Variants in FRYL observed in about 807,000 individuals in gnomAD.
The protein encoded by FRYL is protein furry homolog-like.
FRYL carries 150 observed loss-of-function variants against 351.2 expected under a neutral mutation model. The ratio of observed to expected loss-of-function variants is 0.43; its 90% CI spans 0.37 to 0.49. The LOEUF is 0.49. Among genes scored for constraint, FRYL ranks in the 20% least tolerant of loss-of-function variants. The pLI is 0.00. For missense variants in FRYL, 3,036 were observed against 3,619.3 expected, an observed-to-expected ratio of 0.84 and a Z score of 4.13; for synonymous variants, 1,153 against 1,257.1, an observed-to-expected ratio of 0.92 and a Z score of 1.75.
chr4:48,658,208 T>C (rs1378012145), intron 3 of FRYL, among the ~76,000 whole-genome samples: 1 of 152,180 alleles, frequency 6.6e-6, no homozygotes, highest in Non-Finnish European at 1.5e-5. Flanking sequence ...AATTCTTCAA[T>C]TACTCATTTG....
intron 1 of FRYL, among the ~76,000 whole-genome samples, chr4:48,745,955 A>G (rs540255688): frequency 2.6e-5 from 4 of 152,342 alleles, no homozygotes; most frequent in African/African-American, 9.6e-5. Flanking sequence ...TCAGTATCTT[A>G]GAGTAAATAA....
intron 1 of FRYL, among the ~76,000 whole-genome samples, chr4:48,754,157 C>T (rs1420839929): frequency 6.6e-6 from 1 of 152,124 alleles, no homozygotes; most frequent in Non-Finnish European, 1.5e-5. Flanking sequence ...AAAAGGAAAC[C>T]CCATACACAT....
intron 1 of FRYL, among the ~76,000 whole-genome samples, chr4:48,716,461 C>T (rs553266931): frequency 1.3e-4 from 20 of 151,522 alleles, no homozygotes; most frequent in South Asian, 4.2e-4. Context: ...AGAAAGTGGG[C>T]GAAGGACATG....
chr4:48,643,583 GTGC>G (rs1236631210), intron 3 of FRYL, among the ~76,000 whole-genome samples: 1 of 151,906 alleles, frequency 6.6e-6, no homozygotes, highest in African/African-American at 2.4e-5. Flanking sequence ...AGAAACTGAA[GTGC>G]TGATTTTTGC....
At chr4:48,686,140 T>C (rs1765132820) in intron 2 of FRYL, among the ~76,000 whole-genome samples, 1 of 152,216 alleles carries the variant, frequency 6.6e-6, no homozygotes, top group East Asian at 1.9e-4. Context: ...ATATTAGTTT[T>C]TCTCTTTAAT....
At position 48,582,664 on chromosome 4, in the gene FRYL, A is replaced by C. The variant is rs1741187574; in HGVS notation, c.1819T>G (p.Phe607Val). 2.5e-6 allele frequency: 4 copies of C among 1,614,014 alleles called. No homozygotes were observed. Among genetic ancestry groups the C allele is most frequent in the South Asian group, 1.1e-5 (1 of 91,084 alleles). The change falls in exon 20 of 64, where the codon TTT (phenylalanine) becomes GTT (valine). Residue 607 changes from phenylalanine (F) to valine (V), a missense_variant. Phe to Val is a conservative substitution (Grantham distance 50). This residue lies in a region of FRYL where 492 missense variants were observed against 551.5 expected (regional missense o/e 0.89). Transcript: ENST00000358350. ...AGAACATCCTCCCGCCAATCTGGAA[A>C]ATCAAGCATTAGTGCCTGCAGAGTA... Reference protein sequence around the residue: ...FNTLQALMLDFPDWREDVLSG... With the variant: ...FNTLQALMLDVPDWREDVLSG...
Position 48,705,069 on chromosome 4 carries a change from C to T in FRYL, c.-204+5450G>A, listed in dbSNP as rs1250309369. 3.3e-5 allele frequency among the ~76,000 whole-genome samples: 5 copies of T among 152,012 alleles called. No homozygotes were observed. In the South Asian group the frequency reaches 6.2e-4, roughly 19 times the overall value. On this transcript the variant is annotated intron_variant, in intron 2 of 63. Transcript: ENST00000358350. ...CCAGGAGGTGGAAGTTGCAGTGAGC[C>T]GAGATCATGCCACTGCACTCCAGCC...
intron 50 of FRYL, among the ~76,000 whole-genome samples, 199 bp downstream of exon 50, chr4:48,530,956 TG>T (rs1408773379): frequency 6.6e-6 from 1 of 152,190 alleles, no homozygotes; most frequent in Admixed American, 6.5e-5. Context: ...AGATGGGGAA[TG>T]TATAGTCTGT....
chr4:48,650,143 C>G (rs987059485), intron 3 of FRYL, among the ~76,000 whole-genome samples: 7 of 151,972 alleles, frequency 4.6e-5, no homozygotes, highest in African/African-American at 1.7e-4. Context: ...TGTATTTAAT[C>G]ACTAAAAAAT....
intron 1 of FRYL, among the ~76,000 whole-genome samples, chr4:48,739,834 G>A (rs1334541535): frequency 1.3e-5 from 2 of 152,076 alleles, no homozygotes; most frequent in African/African-American, 4.8e-5. Flanking sequence ...CAAAATTCTT[G>A]GATTAATAGA....
intron 1 of FRYL, among the ~76,000 whole-genome samples, chr4:48,725,253 G>A (rs1769954835): frequency 6.6e-6 from 1 of 152,158 alleles, no homozygotes; most frequent in Non-Finnish European, 1.5e-5. Context: ...CTCCACTAAG[G>A]TGAGGCCCAG....
intron 42 of FRYL, 62 bp from the exon 43 acceptor site, chr4:48,544,966 A>G: frequency 6.6e-7 from 1 of 1,525,292 alleles, no homozygotes; most frequent in Non-Finnish European, 8.8e-7. Context: ...AGTTGTACTC[A>G]CACTTGCCTA....
intron 61 of FRYL, 147 bp from the exon 62 acceptor site, chr4:48,501,880 A>G: frequency 1.7e-6 from 1 of 593,860 alleles, no homozygotes; most frequent in Non-Finnish European, 3.0e-6. Flanking sequence ...AAGGCACGTG[A>G]AATATGCTTT....
At chr4:48,632,303 T>C (rs981590489) in intron 4 of FRYL, among the ~76,000 whole-genome samples, 1 of 149,866 alleles carries the variant, frequency 6.7e-6, no homozygotes, top group Non-Finnish European at 1.5e-5. Context: ...CATTATACCA[T>C]AATCTTTAGT....
intron 36 of FRYL, among the ~76,000 whole-genome samples, chr4:48,552,156 C>T (rs575981138): frequency 6.6e-6 from 1 of 152,024 alleles, no homozygotes; most frequent in Non-Finnish European, 1.5e-5. Flanking sequence ...AGACTGCACC[C>T]CCCCCAACAT....
At chr4:48,583,444 C>G (rs1322237405) in intron 19 of FRYL, among the ~76,000 whole-genome samples, 1 of 152,118 alleles carries the variant, frequency 6.6e-6, no homozygotes, top group South Asian at 2.1e-4. Flanking sequence ...AGCCACCACT[C>G]AATTATTCTT....
intron 2 of FRYL, among the ~76,000 whole-genome samples, chr4:48,687,902 C>T (rs924165464): frequency 2.6e-5 from 4 of 152,102 alleles, no homozygotes; most frequent in Middle Eastern, 3.4e-3. Flanking sequence ...GTAAGTAATA[C>T]GAAGACTGCT....
At position 48,734,471 on chromosome 4, in the gene FRYL, A is replaced by C. The variant is rs568809566; in HGVS notation, c.-383-23773T>G. 6.6e-5 allele frequency among the ~76,000 whole-genome samples: 10 copies of C among 152,354 alleles called. No homozygotes were observed. In the East Asian group the frequency reaches 1.9e-3, roughly 29 times the overall value. On this transcript the variant is annotated intron_variant, in intron 1 of 63. Coordinates refer to ENST00000358350, the MANE Select transcript of FRYL (RefSeq NM_015030.2). ...ATCCACTATTAGAGTTGTAGACTTCAACATTCCTCTATCAGAAGCAAACAG... is the reference window on the plus strand; with the variant it reads ...ATCCACTATTAGAGTTGTAGACTTCCACATTCCTCTATCAGAAGCAAACAG...
At chr4:48,518,920 C>T (rs1442296531) in intron 55 of FRYL, among the ~76,000 whole-genome samples, 1 of 152,210 alleles carries the variant, frequency 6.6e-6, no homozygotes. Context: ...AAACCAAAAG[C>T]CTTTGTCTGT....
Sources: gnomAD v4.1 joint callset for allele counts (sites outside exome capture counted in the v4.1 genomes callset) on GRCh38, gnomAD v4.1.1 for gene constraint, gnomAD v4.1.1 regional missense constraint, MANE v1.5 for transcripts, NCBI Gene and HGNC (gene_info 2026-07-23, HGNC 2026-07-21) for gene names.